The following WNT7A variants were observed in gnomAD, a reference collection of about 807,000 sequenced individuals.
The protein encoded by WNT7A is protein Wnt-7a.
In WNT7A, 16 loss-of-function variants were observed where a neutral mutation model predicts 28.2. The observed-to-expected ratio is 0.57, with a 90% CI of 0.38 to 0.86. The LOEUF is 0.86. Among genes scored for constraint, WNT7A ranks in the 40% least tolerant of loss-of-function variants. The pLI is 0.00. For missense variants in WNT7A, 411 were observed against 489.7 expected (o/e 0.84, Z 1.52); for synonymous variants, 190 against 195.9 (o/e 0.97, Z 0.25).
chr3:13,866,841 C>T (rs895004264), intron 2 of WNT7A, among the ~76,000 whole-genome samples: 1 of 152,008 alleles, frequency 6.6e-6, no homozygotes, highest in Non-Finnish European at 1.5e-5. Flanking sequence ...GCGTGGGTTG[C>T]AGGATGAAAG....
Position 13,819,361 on chromosome 3 carries a change from G to C in WNT7A, c.633C>G (p.Thr211=). The C allele has an allele frequency of 6.2e-7, 1 of 1,613,516 alleles. No individual in the cohort carries two copies. Among genetic ancestry groups the C allele is most frequent in the Non-Finnish European group, 8.5e-7 (1 of 1,179,748 alleles). Residue 211 remains threonine (T), a synonymous_variant, in exon 4 of 4, where the codon ACC becomes ACG. Transcript: ENST00000285018. ...GTGGCAGTGTGGTCCAGCACGTCTT[G>C]GTGGTGCACGAGCCTGACACGCCGT... ...KCHGVSGSCT[T]KTCWTTLPQF...
At chr3:13,832,067 T>C (rs2124836643) in intron 3 of WNT7A, among the ~76,000 whole-genome samples, 1 of 151,940 alleles carries the variant, frequency 6.6e-6, no homozygotes, top group South Asian at 2.1e-4. Flanking sequence ...CACCACCTGC[T>C]CCCCTCCTGT....
chr3:13,842,600 T>A (rs1313497973), intron 3 of WNT7A, among the ~76,000 whole-genome samples: 1 of 152,162 alleles, frequency 6.6e-6, no homozygotes, highest in Non-Finnish European at 1.5e-5. Context: ...TAGGTAGAAC[T>A]GACATGTTGG....
chr3:13,818,368 A>AAAAAAAAAAAAAAAAAAAAAAG lies in WNT7A; in HGVS notation c.*575_*576insCTTTTTTTTTTTTTTTTTTTTT, dbSNP rs1575056906. On this transcript the variant is annotated 3_prime_UTR_variant, in exon 4 of 4. Coordinates refer to ENST00000285018, the MANE Select transcript of WNT7A (RefSeq NM_004625.4). ...GCAAACAGCAAAAAAAAAAAAAAAA[A>AAAAAAAAAAAAAAAAAAAAAAG]TGTGTGTGTGTATATCTATATATGC... The AAAAAAAAAAAAAAAAAAAAAAG allele has an allele frequency of 5.3e-5, 8 of 150,034 alleles. No homozygotes were observed. The highest frequency in any genetic ancestry group is 7.4e-5 in the African/African-American group (3 of 40,604). The allele number at this position is 150,034 out of a possible 1,614,324, so 9.3% of individuals were successfully genotyped here.
intron 3 of WNT7A, among the ~76,000 whole-genome samples, chr3:13,823,772 G>A (rs1324458309): frequency 6.6e-6 from 1 of 152,330 alleles, no homozygotes; most frequent in Non-Finnish European, 1.5e-5. Context: ...GCCTCAGTAG[G>A]CCCTTCCAGA....
intron 3 of WNT7A, among the ~76,000 whole-genome samples, chr3:13,826,439 T>C (rs1300733692): frequency 6.6e-6 from 1 of 151,980 alleles, no homozygotes; most frequent in Non-Finnish European, 1.5e-5. Context: ...AAATTAGAAC[T>C]GGCCAAACTC....
At chr3:13,873,381 C>A (rs1459179018) in intron 2 of WNT7A, among the ~76,000 whole-genome samples, 4 of 151,962 alleles carry the variant, frequency 2.6e-5, no homozygotes, top group Non-Finnish European at 1.5e-5. Flanking sequence ...TGGTTTGCAC[C>A]TCTGTCGATA....
chr3:13,879,982 G>T lies in WNT7A; in HGVS notation c.-166C>A. 2.3e-6 allele frequency: 1 copy of T among 439,886 alleles called. No homozygotes were observed. Among genetic ancestry groups the T allele is most frequent in the South Asian group, 1.1e-4 (1 of 8,912 alleles). 27.2% of individuals were successfully genotyped at this position (439,886 alleles called of 1,614,324 possible). On this transcript the variant is annotated 5_prime_UTR_variant, in exon 1 of 4. Transcript: ENST00000285018. The stretch of plus-strand genomic sequence containing the variant: ...GCTCCGCGCCTGAGCCTCGCCAGGA[G>T]CACGGGAGCCACGGAGCGGGAGGAG...
intron 2 of WNT7A, among the ~76,000 whole-genome samples, chr3:13,855,130 A>C (rs1251505090): frequency 6.6e-6 from 1 of 152,216 alleles, no homozygotes; most frequent in African/African-American, 2.4e-5. Context: ...ACTCCTGAGC[A>C]CACTTGACGT....
At position 13,879,751 on chromosome 3, in the gene WNT7A, C is replaced by T. The variant is rs780104572; in HGVS notation, c.66G>A (p.Arg22=). The T allele has an allele frequency of 1.9e-6, 3 of 1,612,774 alleles. No homozygotes were observed. The highest frequency in any genetic ancestry group is 4.5e-5 in the East Asian group (2 of 44,816). ...AGGGCGCAGGCAGCCCTTACCCGAT[C>T]CGGAGGTAGACCATGCCCAGGCTGA... is the stretch of plus-strand genomic sequence containing the variant. The part of the protein sequence containing the change: ...LFLSLGMVYL[R]IGGFSSVVAL... Residue 22 remains arginine (R), a synonymous_variant, in exon 1 of 4, where the codon CGG becomes CGA. Coordinates refer to ENST00000285018, the MANE Select transcript of WNT7A (RefSeq NM_004625.4).
chr3:13,866,033 G>C (rs1345687277), intron 2 of WNT7A, among the ~76,000 whole-genome samples: 1 of 152,210 alleles, frequency 6.6e-6, no homozygotes, highest in African/African-American at 2.4e-5. Context: ...TGGCCTTTGA[G>C]TGGAGACCTG....
Position 13,819,410 on chromosome 3 carries a change from T to C in WNT7A, c.584A>G (p.Asn195Ser). Residue 195 changes from asparagine (N) to serine (S), a missense_variant, in exon 4 of 4, where the codon AAC (asparagine) becomes AGC (serine). Physicochemically the swap from Asn to Ser is conservative, Grantham distance 46. Transcript: ENST00000285018. ...NEAGRKILEE[N>S]MKLECKCHGV... Reference sequence around the variant, plus strand: ...GTGGCACTTACATTCCAGCTTCATGTTCTCCTCCAGGATCTGCAGGGGAGG... The same window carrying C: ...GTGGCACTTACATTCCAGCTTCATGCTCTCCTCCAGGATCTGCAGGGGAGG... 1 of 1,613,268 alleles carries C rather than the reference T, an allele frequency of 6.2e-7. No individual in the cohort carries two copies. The highest frequency in any genetic ancestry group is 8.5e-7 in the Non-Finnish European group (1 of 1,179,936).
At chr3:13,847,755 G>A (rs1468179386) in intron 3 of WNT7A, among the ~76,000 whole-genome samples, 3 of 150,394 alleles carry the variant, frequency 2.0e-5, no homozygotes, top group African/African-American at 7.3e-5. Context: ...GCCTAGAGCA[G>A]TCAGATTCAA....
In WNT7A at chr3:13,818,996, T is replaced by C; in HGVS notation, c.998A>G (p.Tyr333Cys). The change falls in exon 4 of 4, where the codon TAT becomes TGT. Residue 333 changes from tyrosine (Y) to cysteine (C), a missense_variant. Coordinates refer to ENST00000285018, the MANE Select transcript of WNT7A (RefSeq NM_004625.4). ...CTCGCTGCACGTGTTGCACTTGACA[T>C]AGCAGCACCAGTGGAACTTACAGTT... ...QCNCKFHWCC[Y>C]VKCNTCSERT... The C allele has an allele frequency of 1.9e-6, 3 of 1,609,208 alleles. No homozygotes were observed. The highest frequency in any genetic ancestry group is 3.3e-5 in the Admixed American group (2 of 59,902).
intron 3 of WNT7A, among the ~76,000 whole-genome samples, chr3:13,828,221 A>G (rs1694228467): frequency 6.6e-6 from 1 of 152,204 alleles, no homozygotes; most frequent in Admixed American, 6.5e-5. Flanking sequence ...CCCACCAGAT[A>G]CGAACAGGAG....
intron 3 of WNT7A, among the ~76,000 whole-genome samples, chr3:13,847,360 C>T (rs958658698): frequency 2.6e-5 from 4 of 152,210 alleles, no homozygotes; most frequent in East Asian, 3.9e-4. Flanking sequence ...CTCTAGGGAG[C>T]GGAAGGGAGG....
chr3:13,855,195 C>T (rs1159704488), intron 2 of WNT7A, among the ~76,000 whole-genome samples: 1 of 152,234 alleles, frequency 6.6e-6, no homozygotes, highest in African/African-American at 2.4e-5. Flanking sequence ...AGCAGCGTTT[C>T]CCCAACACCC....
chr3:13,874,416 A>G (rs1377994656), intron 2 of WNT7A, among the ~76,000 whole-genome samples: 2 of 152,210 alleles, frequency 1.3e-5, no homozygotes, highest in Non-Finnish European at 2.9e-5. Flanking sequence ...TTGCAAAGTC[A>G]AAAGCCCACA....
intron 2 of WNT7A, chr3:13,864,040 G>A (rs1283454828): frequency 1.3e-5 from 2 of 152,162 alleles, no homozygotes; most frequent in African/African-American, 2.4e-5. Flanking sequence ...TTGACTCCTA[G>A]GTCATTTGTG....
Sources: gnomAD v4.1 joint callset for allele counts (sites outside exome capture counted in the v4.1 genomes callset) on GRCh38, gnomAD v4.1.1 for gene constraint, MANE v1.5 for transcripts, NCBI Gene and HGNC (gene_info 2026-07-23, HGNC 2026-07-21) for gene names.